NCKAP5: variants seen among roughly 807,000 people sequenced by gnomAD.
NCKAP5 encodes nck-associated protein 5.
In NCKAP5, 92 loss-of-function variants were observed where a neutral mutation model predicts 167.0. The ratio of observed to expected loss-of-function variants is 0.55; its 90% CI spans 0.47 to 0.66. NCKAP5 has a LOEUF of 0.66. NCKAP5 is among the 30% of genes least tolerant of loss of function. The pLI is 0.00. For missense variants in NCKAP5, 2,378 were observed against 2,315.0 expected (o/e 1.03, Z -0.56); for synonymous variants, 891 against 877.4 (o/e 1.02, Z -0.27).
chr2:133,467,915 G>T lies in NCKAP5; in HGVS notation c.69+49543C>A, dbSNP rs1211041212. On this transcript the variant is annotated intron_variant, in intron 3 of 19. Coordinates refer to ENST00000409261, the MANE Select transcript of NCKAP5 (RefSeq NM_207363.3). ...TTCTTCTCTCTTTTCTTCTTTATTA[G>T]TCTTGCTAGCGGTCTATCAATTTTG... 2.3e-5 allele frequency among the ~76,000 whole-genome samples: 3 copies of T among 130,370 alleles called. 1 individual carries two copies. Among genetic ancestry groups the T allele is most frequent in the African/African-American group, 9.0e-5 (3 of 33,242 alleles). 85.5% of individuals were successfully genotyped at this position (130,370 alleles called of 152,430 possible).
At chr2:133,497,648 CT>C (rs1295967656) in intron 3 of NCKAP5, among the ~76,000 whole-genome samples, 1 of 152,232 alleles carries the variant, frequency 6.6e-6, no homozygotes, top group Non-Finnish European at 1.5e-5. Context: ...CAGAAAGCTG[CT>C]TCAAACAGAA....
the NCKAP5 span, among the ~76,000 whole-genome samples, chr2:133,620,193 T>G: frequency 6.6e-5 from 10 of 150,528 alleles, no homozygotes; most frequent in Admixed American, 4.6e-4. Flanking sequence ...AAAAAAGGTA[T>G]TCAGGCAAAA....
At chr2:133,128,945 A>ATTTTTTTTTTTTTTTTTTTTTTT (rs10584100) in intron 6 of NCKAP5, among the ~76,000 whole-genome samples, 1 of 130,092 alleles carries the variant, frequency 7.7e-6, no homozygotes. Context: ...AAACTCACTG[A>ATTTTTTTTTTTTTTTTTTTTTTT]TTTTTTTTTT....
In NCKAP5 at chr2:132,731,838, C is replaced by T. The variant is rs755560675; in HGVS notation, c.5342G>A (p.Arg1781His). The change falls in exon 17 of 20, where the codon CGC becomes CAC. Residue 1781 changes from arginine to histidine, a missense_variant. Around this residue, in one of 3 missense-constraint regions of NCKAP5, gnomAD observed 1,325 missense variants for 1,274.5 expected, o/e 1.04. Transcript: ENST00000409261. ...ATGAACAATGGCGCTATCTGCAGGG[C>T]GCTGGCCGTCTGTGGAGGAAGGCAC... Reference protein sequence around the residue: ...REVPSSTDGQRPADSAIVHST... With the variant: ...REVPSSTDGQHPADSAIVHST... 4 of 1,613,870 alleles carry T rather than the reference C, an allele frequency of 2.5e-6. No individual in the cohort carries two copies. The highest frequency in any genetic ancestry group is 2.5e-6 in the Non-Finnish European group (3 of 1,179,882).
intron 9 of NCKAP5, 43 bp from the exon 10 acceptor site, chr2:132,869,017 C>A (rs371150795): frequency 7.3e-5 from 100 of 1,374,378 alleles, no homozygotes; most frequent in Non-Finnish European, 8.9e-5. Flanking sequence ...AATAATGAGA[C>A]TTTATATGCA....
intron 7 of NCKAP5, among the ~76,000 whole-genome samples, chr2:132,989,096 C>A (rs570221428): frequency 1.3e-5 from 2 of 152,122 alleles, no homozygotes; most frequent in African/African-American, 4.8e-5. Flanking sequence ...GGAAGCATGG[C>A]GGCTACAATG....
At chr2:133,318,569 T>C (rs1343895261) in intron 3 of NCKAP5, among the ~76,000 whole-genome samples, 1 of 152,200 alleles carries the variant, frequency 6.6e-6, no homozygotes, top group Non-Finnish European at 1.5e-5. Flanking sequence ...GAGAATCCGA[T>C]TCAGGAGAAA....
At chr2:133,484,727 T>C (rs1276926584) in intron 3 of NCKAP5, among the ~76,000 whole-genome samples, 2 of 152,192 alleles carry the variant, frequency 1.3e-5, no homozygotes, top group African/African-American at 4.8e-5. Flanking sequence ...AGGCTGTGTG[T>C]ATAAGGTGTA....
Position 132,911,532 on chromosome 2 carries a change from A to G in NCKAP5, c.580-32616T>C, listed in dbSNP as rs1694451588. Among the ~76,000 whole-genome samples the G allele has an allele frequency of 3.3e-5, 5 of 152,222 alleles. No homozygotes were observed. In the South Asian group the frequency reaches 1.0e-3, roughly 32 times the overall value. On this transcript the variant is annotated intron_variant, in intron 8 of 19. Transcript: ENST00000409261. ...AAAATTCCAAGTCCTTTAAAAATCAAATTTTGTTGGTGAACTCCCTATGTG... is the reference window on the plus strand; with the variant it reads ...AAAATTCCAAGTCCTTTAAAAATCAGATTTTGTTGGTGAACTCCCTATGTG...
chr2:132,859,749 A>T (rs1296750087), intron 11 of NCKAP5, among the ~76,000 whole-genome samples: 1 of 152,182 alleles, frequency 6.6e-6, no homozygotes, highest in Non-Finnish European at 1.5e-5. Flanking sequence ...TTGGGGGCAA[A>T]GCTCATGGGA....
chr2:132,951,980 AC>A (rs2149149994), intron 8 of NCKAP5, among the ~76,000 whole-genome samples: 1 of 152,276 alleles, frequency 6.6e-6, no homozygotes, highest in African/African-American at 2.4e-5. Context: ...TTCCACTTCT[AC>A]TCATGATATA....
chr2:133,548,389 T>C (rs12996421), intron 2 of NCKAP5, among the ~76,000 whole-genome samples: 41,562 of 151,462 alleles, frequency 0.27, 6,200 homozygotes, highest in East Asian at 0.37. Flanking sequence ...GCCACAAAGA[T>C]ACTCCTCGAG....
rs145473157 is a variant in NCKAP5 at position 133,206,543 on chromosome 2, T to A, written c.207+7173A>T. ...TATCTTTGTAAGCTGAGAATGTACA[T>A]CACCTCAGGACCACTATTGTACAAA... is the stretch of plus-strand genomic sequence containing the variant. On this transcript the variant is annotated intron_variant, in intron 5 of 19. Coordinates refer to ENST00000409261, the MANE Select transcript of NCKAP5 (RefSeq NM_207363.3). 8.6e-3 allele frequency among the ~76,000 whole-genome samples: 1,304 copies of A among 152,294 alleles called. 21 individuals are homozygous for A. Among genetic ancestry groups the A allele is most frequent in the African/African-American group, 0.03 (1,234 of 41,558 alleles).
chr2:133,424,906 T>G (rs192353289), intron 3 of NCKAP5, among the ~76,000 whole-genome samples: 5 of 152,300 alleles, frequency 3.3e-5, no homozygotes, highest in Admixed American at 2.0e-4. Context: ...AAAACAGTCT[T>G]GCAATTCAAA....
At chr2:133,555,802 A>G (rs891428757) in intron 2 of NCKAP5, among the ~76,000 whole-genome samples, 3 of 152,238 alleles carry the variant, frequency 2.0e-5, no homozygotes, top group African/African-American at 7.2e-5. Context: ...TTGTTTACCA[A>G]GAGACATGAG....
At chr2:132,773,228 C>A (rs1418438567) in intron 16 of NCKAP5, among the ~76,000 whole-genome samples, 1 of 152,212 alleles carries the variant, frequency 6.6e-6, no homozygotes, top group Non-Finnish European at 1.5e-5. Flanking sequence ...TTCTCCATCA[C>A]TGGTTACCTC....
chr2:133,580,800 C>T, the NCKAP5 span, among the ~76,000 whole-genome samples: 1 of 152,200 alleles, frequency 6.6e-6, no homozygotes, highest in Non-Finnish European at 1.5e-5. Context: ...TACAAAATCA[C>T]ACCATCAAAG....
chr2:133,025,323 A>C (rs1337843346), intron 6 of NCKAP5, among the ~76,000 whole-genome samples: 8 of 152,236 alleles, frequency 5.3e-5, no homozygotes, highest in Non-Finnish European at 1.0e-4. Context: ...ATCAGTCAGC[A>C]TATGTTTATT....
intron 19 of NCKAP5, among the ~76,000 whole-genome samples, chr2:132,698,968 C>A (rs1200305332): frequency 6.6e-6 from 1 of 152,244 alleles, no homozygotes; most frequent in African/African-American, 2.4e-5. Context: ...TTCTGATACA[C>A]ACTCAAGCTT....
Sources: allele counts gnomAD v4.1 joint callset (sites outside exome capture counted in the v4.1 genomes callset), GRCh38; gene constraint gnomAD v4.1.1; regional missense constraint gnomAD v4.1.1; transcripts MANE v1.5; gene names NCBI Gene and HGNC (gene_info 2026-07-23, HGNC 2026-07-21).